Variants in IGDCC3 observed in about 807,000 individuals in gnomAD.
The protein encoded by IGDCC3 is immunoglobulin superfamily DCC subclass member 3, also known as putative neuronal cell adhesion molecule.
IGDCC3 carries 47 observed loss-of-function variants against 72.0 expected under a neutral mutation model. The ratio of observed to expected loss-of-function variants is 0.65; its 90% confidence interval spans 0.52 to 0.83. The LOEUF is 0.83. Ranked by LOEUF, IGDCC3 falls within the 40% of genes least tolerant of loss-of-function variation. The pLI, the probability that IGDCC3 is intolerant of heterozygous loss-of-function variation, is 0.00. For missense variants in IGDCC3, 1,038 were observed against 1,091.3 expected, an observed-to-expected ratio of 0.95 and a Z score of 0.69; for synonymous variants, 477 against 472.8, an observed-to-expected ratio of 1.01 and a Z score of -0.11.
Position 65,329,289 on chromosome 15 carries a change from G to A in IGDCC3, c.2205+101C>T. ...AGAGAAGACCTGCAGTTTGACTAAG[G>A]CCAATGATCGAGGCCCGTGGCCAAG... On this transcript the variant is annotated intron_variant, in intron 13 of 13. Transcript: ENST00000327987. The surrounding 1 kb of genome is among the most constrained non-coding windows in gnomAD (Gnocchi z 4.1). The A allele has an allele frequency of 6.8e-7, 1 of 1,473,466 alleles. No homozygotes were observed. The highest frequency in any genetic ancestry group is 9.1e-7 in the Non-Finnish European group (1 of 1,093,748). 91.3% of individuals were successfully genotyped at this position (1,473,466 alleles called of 1,614,324 possible). A position where few individuals can be genotyped will look rare whatever the true frequency, so the allele number is the denominator to read the frequency against.
chr15:65,371,267 A>G (rs1043882800), intron 2 of IGDCC3, among the ~76,000 whole-genome samples: 2 of 152,246 alleles, frequency 1.3e-5, no homozygotes, highest in Non-Finnish European at 2.9e-5. Context: ...CTCCTCCAAT[A>G]GCCCTGACAG....
intron 2 of IGDCC3, among the ~76,000 whole-genome samples, chr15:65,352,344 TAA>T (rs2091180129): frequency 6.6e-6 from 1 of 152,236 alleles, no homozygotes; most frequent in African/African-American, 2.4e-5. Flanking sequence ...TATTTGCATA[TAA>T]GAGTCTGTTT....
intron 2 of IGDCC3, among the ~76,000 whole-genome samples, chr15:65,367,942 C>T (rs1230439721): frequency 6.6e-6 from 1 of 152,034 alleles, no homozygotes. Flanking sequence ...CTCTACATTC[C>T]TTGTTTGCAA....
Position 65,329,024 on chromosome 15 carries a change from G to A in IGDCC3, c.2330C>T (p.Ala777Val), listed in dbSNP as rs766421803. The A allele has an allele frequency of 1.2e-6, 2 of 1,612,422 alleles. No individual in the cohort carries two copies. The highest frequency in any genetic ancestry group is 1.7e-6 in the Non-Finnish European group (2 of 1,179,486). The change falls in exon 14 of 14, where the codon GCC (alanine) becomes GTC (valine). Residue 777 changes from alanine (A) to valine (V), a missense_variant. Ala to Val is a moderately conservative substitution (Grantham distance 64). Transcript: ENST00000327987. This position sits in a 1 kb window ranked among gnomAD's most constrained non-coding sequence, Gnocchi z 4.1. ...AKTTEATAPC[A>V]GLAAAPPPPD... The stretch of plus-strand genomic sequence containing the variant: ...GGGTGGTGGGGCAGCCGCCAGGCCG[G>A]CGCAGGGAGCCGTGGCCTCTGTGGT...
rs1262856298 is a variant in IGDCC3 at position 65,335,311 on chromosome 15, C to G, written c.665G>C (p.Gly222Ala). 6 of 1,612,466 alleles carry G rather than the reference C, an allele frequency of 3.7e-6. No individual in the cohort carries two copies. The highest frequency in any genetic ancestry group is 1.3e-5 in the African/African-American group (1 of 74,806). The part of the protein sequence containing the change: ...SNIASIRISH[G>A]ARLTVSGSGS... ...CTCACCTGACACAGTGAGCCTGGCC[C>G]CGTGGCTGATCCGGATACTGGCGAT... The change falls in exon 4 of 14, where the codon GGG becomes GCG. Residue 222 changes from glycine to alanine, a missense_variant. Gly to Ala is a moderately conservative substitution (Grantham distance 60). Transcript: ENST00000327987.
chr15:65,366,328 C>T (rs1021520819), intron 2 of IGDCC3, among the ~76,000 whole-genome samples: 2 of 152,046 alleles, frequency 1.3e-5, no homozygotes, highest in Non-Finnish European at 2.9e-5. Flanking sequence ...AAGATCACTC[C>T]ACTGCACTCC....
intron 3 of IGDCC3, 58 bp downstream of exon 3, chr15:65,335,754 G>A (rs1440503135): frequency 1.1e-5 from 17 of 1,597,372 alleles, no homozygotes; most frequent in Non-Finnish European, 1.5e-5. Flanking sequence ...CCTTCTCTAC[G>A]GCCAGAGTCA....
intron 2 of IGDCC3, among the ~76,000 whole-genome samples, chr15:65,356,848 CTTTT>C (rs766472764): frequency 4.2e-5 from 3 of 70,894 alleles, no homozygotes; most frequent in South Asian, 3.9e-4. Flanking sequence ...AATGGACCTG[CTTTT>C]TTTTTTTTTT....
At chr15:65,363,619 C>T (rs1440745517) in intron 2 of IGDCC3, among the ~76,000 whole-genome samples, 2 of 152,188 alleles carry the variant, frequency 1.3e-5, no homozygotes, top group African/African-American at 2.4e-5. Flanking sequence ...TCAGCTCCTC[C>T]AGGATGATTA....
At chr15:65,366,111 G>A (rs1481503536) in intron 2 of IGDCC3, among the ~76,000 whole-genome samples, 1 of 151,838 alleles carries the variant, frequency 6.6e-6, no homozygotes, top group Non-Finnish European at 1.5e-5. Flanking sequence ...GGGAGGCTGA[G>A]GCAGGAGACT....
chr15:65,361,684 A>T (rs2091262732), intron 2 of IGDCC3, among the ~76,000 whole-genome samples: 1 of 117,150 alleles, frequency 8.5e-6, no homozygotes, highest in Non-Finnish European at 1.8e-5. Context: ...GGAAGCGAGG[A>T]CACACGCACA....
At position 65,356,926 on chromosome 15, in the gene IGDCC3, T is replaced by C. The variant is rs536365627; in HGVS notation, c.409+18171A>G. Among the ~76,000 whole-genome samples the C allele has an allele frequency of 7.6e-5, 11 of 145,390 alleles. No homozygotes were observed. In the East Asian group the frequency reaches 1.5e-3, roughly 20 times the overall value. The stretch of plus-strand genomic sequence containing the variant: ...GTGCAGTGGCCTGATCTCGGCTCAC[T>C]GCAACTTCTGCCTCCTGGATTCAAG... On this transcript the variant is annotated intron_variant, in intron 2 of 13. Transcript: ENST00000327987.
intron 1 of IGDCC3, among the ~76,000 whole-genome samples, chr15:65,375,807 C>A (rs1212257434): frequency 6.6e-6 from 1 of 152,162 alleles, no homozygotes; most frequent in Non-Finnish European, 1.5e-5. Flanking sequence ...CCTCACAGAC[C>A]TTCAGGGTGT....
intron 2 of IGDCC3, 33 bp downstream of exon 2, chr15:65,375,064 T>A: frequency 5.0e-6 from 8 of 1,587,248 alleles, no homozygotes; most frequent in Non-Finnish European, 6.9e-6. Flanking sequence ...CCAGCTGGCT[T>A]ACACAAAGGG....
In IGDCC3 at chr15:65,327,434, T is replaced by G. The variant is rs1426273362; in HGVS notation, c.*1475A>C. The G allele has an allele frequency of 6.6e-6, 1 of 152,156 alleles. No individual in the cohort carries two copies. Among genetic ancestry groups the G allele is most frequent in the Non-Finnish European group, 1.5e-5 (1 of 68,012 alleles). The allele number at this position is 152,156 out of a possible 1,614,324, so 9.4% of individuals were successfully genotyped here. On this transcript the variant is annotated 3_prime_UTR_variant, in exon 14 of 14. Coordinates refer to ENST00000327987, the MANE Select transcript of IGDCC3 (RefSeq NM_004884.4). ...ATCTTCTTCAGCTAATTAACTAAAG[T>G]TCAGGGTGGAGGTGTCCCTAGAGGA... is the stretch of plus-strand genomic sequence containing the variant.
chr15:65,338,161 G>A lies in IGDCC3; in HGVS notation c.410-2205C>T, dbSNP rs564573850. Reference sequence around the variant, plus strand: ...CAGGTATGGAGCCAGTCTGATATCCGTCACTGTGCATAGTGCGACTGACTC... The same window carrying A: ...CAGGTATGGAGCCAGTCTGATATCCATCACTGTGCATAGTGCGACTGACTC... On this transcript the variant is annotated intron_variant, in intron 2 of 13. Transcript: ENST00000327987. 1.2e-4 allele frequency among the ~76,000 whole-genome samples: 19 copies of A among 152,270 alleles called. No homozygotes were observed. The South Asian group carries it at 1.5e-3, about 12-fold the overall frequency.
intron 2 of IGDCC3, among the ~76,000 whole-genome samples, chr15:65,350,693 C>A (rs916246070): frequency 6.6e-6 from 1 of 152,114 alleles, no homozygotes; most frequent in East Asian, 1.9e-4. Flanking sequence ...AACTCCTGAC[C>A]TCAGGTGATC....
intron 2 of IGDCC3, among the ~76,000 whole-genome samples, chr15:65,345,611 C>CAAAAAAA (rs1555431082): frequency 6.6e-6 from 1 of 150,516 alleles, no homozygotes; most frequent in East Asian, 2.0e-4. Flanking sequence ...CAGACACGCA[C>CAAAAAAA]AAAAATAAAT....
intron 2 of IGDCC3, among the ~76,000 whole-genome samples, chr15:65,343,182 T>C (rs1169582034): frequency 2.0e-5 from 3 of 152,274 alleles, no homozygotes; most frequent in East Asian, 3.9e-4. Context: ...AGAGAGCAAA[T>C]ACTTGCTATC....
Sources: gnomAD v4.1 joint callset for allele counts (sites outside exome capture counted in the v4.1 genomes callset) on GRCh38, gnomAD v4.1.1 for gene constraint, Gnocchi (gnomAD v3.1) non-coding constraint, MANE v1.5 for transcripts, NCBI Gene and HGNC (gene_info 2026-07-23, HGNC 2026-07-21) for gene names.